PLCE1: variants seen among roughly 807,000 people sequenced by gnomAD.
The protein encoded by PLCE1 is 1-phosphatidylinositol 4,5-bisphosphate phosphodiesterase epsilon-1.
In PLCE1, 119 loss-of-function variants were observed where a neutral mutation model predicts 242.8. The ratio of observed to expected loss-of-function variants is 0.49; its 90% CI spans 0.42 to 0.57. The LOEUF (loss-of-function observed/expected upper bound fraction) is 0.57, where lower values mean the gene tolerates loss of function less well. Among genes scored for constraint, PLCE1 ranks in the 20% least tolerant of loss-of-function variants. PLCE1 has a pLI of 0.00. For missense variants in PLCE1, 2,441 were observed against 2,788.8 expected, an observed-to-expected ratio of 0.88 and a Z score of 2.81; for synonymous variants, 945 against 1,017.4, an observed-to-expected ratio of 0.93 and a Z score of 1.35.
At chr10:94,109,920 G>A (rs1400493508) in intron 2 of PLCE1, among the ~76,000 whole-genome samples, 2 of 150,452 alleles carry the variant, frequency 1.3e-5, no homozygotes, top group Non-Finnish European at 3.0e-5. Context: ...CAGATTTGTT[G>A]TATGTTTTTA....
intron 4 of PLCE1, among the ~76,000 whole-genome samples, chr10:94,211,066 G>GTTCAGCTCTCCA (rs2049316597): frequency 6.6e-6 from 1 of 152,256 alleles, no homozygotes; most frequent in African/African-American, 2.4e-5. Flanking sequence ...CGTTCAGCCT[G>GTTCAGCTCTCCA]CTGAGAGCTG....
intron 2 of PLCE1, among the ~76,000 whole-genome samples, chr10:94,118,331 C>T (rs892561638): frequency 6.6e-6 from 1 of 152,092 alleles, no homozygotes. Context: ...CTTTCCCATA[C>T]TCCTGAGCCC....
At chr10:94,121,387 A>G (rs1011584011) in intron 2 of PLCE1, among the ~76,000 whole-genome samples, 6 of 152,202 alleles carry the variant, frequency 3.9e-5, no homozygotes, top group African/African-American at 1.4e-4. Flanking sequence ...GAGGGGCTCC[A>G]TCACCTTCAG....
rs145343815 is a variant in PLCE1 at position 94,209,802 on chromosome 10, T to C, written c.1810-17504T>C. On this transcript the variant is annotated intron_variant, in intron 4 of 32. Coordinates refer to ENST00000371380, the MANE Select transcript of PLCE1 (RefSeq NM_016341.4). ...TGCCATATCTAGAAATCATTGACTATATGCCTATTAATATTAGTAAAATTG... is the reference window on the plus strand; with the variant it reads ...TGCCATATCTAGAAATCATTGACTACATGCCTATTAATATTAGTAAAATTG... Among the ~76,000 whole-genome samples the C allele has an allele frequency of 4.5e-4, 69 of 152,350 alleles. No homozygotes were observed. In the Middle Eastern group the frequency reaches 0.01, roughly 23 times the overall value.
chr10:94,054,055 C>T (rs958868663), intron 2 of PLCE1, among the ~76,000 whole-genome samples: 1 of 152,068 alleles, frequency 6.6e-6, no homozygotes, highest in African/African-American at 2.4e-5. Flanking sequence ...AGTCTCCTGA[C>T]ATAATTAAGG....
At chr10:94,008,094 A>C (rs957049114) in intron 1 of PLCE1, among the ~76,000 whole-genome samples, 2 of 146,916 alleles carry the variant, frequency 1.4e-5, no homozygotes, top group African/African-American at 2.5e-5. Context: ...CGAGAGGCTG[A>C]GGTAGGAGGA....
chr10:94,271,576 A>T (rs1428887475), intron 18 of PLCE1, among the ~76,000 whole-genome samples: 3 of 152,074 alleles, frequency 2.0e-5, no homozygotes, highest in African/African-American at 7.2e-5. Context: ...AGCCTCCCAG[A>T]GTGCTGGGAT....
intron 2 of PLCE1, among the ~76,000 whole-genome samples, chr10:94,129,299 G>A (rs1011937930): frequency 2.6e-5 from 4 of 152,226 alleles, no homozygotes; most frequent in Non-Finnish European, 5.9e-5. Context: ...ACAGCACTAC[G>A]TCTACAGGCT....
At chr10:94,077,416 C>T (rs2044536638) in intron 2 of PLCE1, among the ~76,000 whole-genome samples, 1 of 152,190 alleles carries the variant, frequency 6.6e-6, no homozygotes, top group Non-Finnish European at 1.5e-5. Flanking sequence ...CAATGGTGCA[C>T]TGAATTCTAT....
intron 4 of PLCE1, among the ~76,000 whole-genome samples, chr10:94,221,684 A>C (rs943816732): frequency 5.9e-5 from 9 of 152,196 alleles, no homozygotes; most frequent in Admixed American, 6.5e-5. Flanking sequence ...GCAGTGAGCC[A>C]AAATCGTGCC....
chr10:94,039,803 T>G (rs937024198), intron 2 of PLCE1, among the ~76,000 whole-genome samples: 1 of 152,266 alleles, frequency 6.6e-6, no homozygotes, highest in South Asian at 2.1e-4. Context: ...TGGCAAATGA[T>G]GCTGAACATC....
chr10:94,114,922 C>T lies in PLCE1; in HGVS notation c.1207-17252C>T, dbSNP rs568952104. On this transcript the variant is annotated intron_variant, in intron 2 of 32. Coordinates refer to ENST00000371380, the MANE Select transcript of PLCE1 (RefSeq NM_016341.4). Reference sequence around the variant, plus strand: ...CCTAATGCTATCCCTCCCCCCTTCCCCCATCCCACAACAGGCCCCGGTGTG... The same window carrying T: ...CCTAATGCTATCCCTCCCCCCTTCCTCCATCCCACAACAGGCCCCGGTGTG... Among the ~76,000 whole-genome samples the T allele has an allele frequency of 2.6e-5, 4 of 152,048 alleles. No homozygotes were observed. The East Asian group carries it at 7.8e-4, about 30-fold the overall frequency.
At chr10:94,084,853 G>C (rs1269416911) in intron 2 of PLCE1, among the ~76,000 whole-genome samples, 1 of 152,126 alleles carries the variant, frequency 6.6e-6, no homozygotes, top group African/African-American at 2.4e-5. Flanking sequence ...AAACAAGTCA[G>C]GTCTCAAAAT....
chr10:94,180,633 T>A (rs1376737625), intron 4 of PLCE1, among the ~76,000 whole-genome samples: 3 of 152,238 alleles, frequency 2.0e-5, no homozygotes, highest in African/African-American at 7.2e-5. Context: ...ACCCACACCC[T>A]TAGCGGTGAT....
chr10:94,041,032 C>G (rs1262859432), intron 2 of PLCE1, among the ~76,000 whole-genome samples: 1 of 152,052 alleles, frequency 6.6e-6, no homozygotes, highest in Non-Finnish European at 1.5e-5. Flanking sequence ...TTATCTTGTC[C>G]TTTACATGAA....
chr10:94,310,553 G>A (rs2053356501), intron 27 of PLCE1, among the ~76,000 whole-genome samples: 1 of 152,158 alleles, frequency 6.6e-6, no homozygotes, highest in Non-Finnish European at 1.5e-5. Flanking sequence ...GGAGGGAGGT[G>A]TGGCTTCCAC....
chr10:94,048,079 A>T (rs757711849), intron 2 of PLCE1, among the ~76,000 whole-genome samples: 15 of 152,144 alleles, frequency 9.9e-5, no homozygotes, highest in South Asian at 2.1e-4. Context: ...CCTAAGATTC[A>T]TTTATACTTT....
chr10:94,223,797 A>T (rs138731035), intron 4 of PLCE1, among the ~76,000 whole-genome samples: 5 of 151,944 alleles, frequency 3.3e-5, no homozygotes, highest in African/African-American at 1.2e-4. Flanking sequence ...CTCTAGTAGC[A>T]CTCCCTATGC....
intron 4 of PLCE1, among the ~76,000 whole-genome samples, chr10:94,184,986 A>T (rs554200094): frequency 4.6e-5 from 7 of 152,364 alleles, no homozygotes; most frequent in African/African-American, 1.7e-4. Context: ...GTAAATAATT[A>T]TCCTATTAGG....
Sources: allele counts gnomAD v4.1 joint callset (sites outside exome capture counted in the v4.1 genomes callset), GRCh38; gene constraint gnomAD v4.1.1; transcripts MANE v1.5; gene names NCBI Gene and HGNC (gene_info 2026-07-23, HGNC 2026-07-21).